SCARA5: variants seen among roughly 807,000 people sequenced by gnomAD.
The protein encoded by SCARA5 is scavenger receptor class A member 5.
Under a neutral mutation model 46.3 loss-of-function variants are expected in SCARA5, and 45 were observed. The ratio of observed to expected loss-of-function variants is 0.97; its 90% confidence interval spans 0.76 to 1.24. The LOEUF is 1.24. Among genes scored for constraint, SCARA5 ranks in the 50% most tolerant of loss-of-function variants. The pLI is 0.00. For missense variants in SCARA5, 680 were observed against 689.0 expected (o/e 0.99, Z 0.15); for synonymous variants, 333 against 306.5 (o/e 1.09, Z -0.90).
chr8:27,968,476 A>G (rs1240224632), intron 2 of SCARA5, among the ~76,000 whole-genome samples: 1 of 152,214 alleles, frequency 6.6e-6, no homozygotes, highest in Non-Finnish European at 1.5e-5. Flanking sequence ...ACTAGGCTCT[A>G]CAAAGGGTTT....
In SCARA5 at chr8:27,987,603, C is replaced by T. The variant is rs980492789; in HGVS notation, c.13G>A (p.Ala5Thr). 5.0e-6 allele frequency: 8 copies of T among 1,613,020 alleles called. No homozygotes were observed. The highest frequency in any genetic ancestry group is 1.3e-5 in the African/African-American group (1 of 75,020). The change falls in exon 2 of 9, where the codon GCT becomes ACT. Residue 5 changes from alanine (A) to threonine (T), a missense_variant. Ala to Thr is a moderately conservative substitution (Grantham distance 58). Coordinates refer to ENST00000354914, the MANE Select transcript of SCARA5 (RefSeq NM_173833.6). MENK[A>T]MYLHTVSDCD... Reference sequence around the variant, plus strand: ...TCGCTGACGGTGTGTAGGTACATAGCTTTGTTCTCCATCACACCCTGCAAC... The same window carrying T: ...TCGCTGACGGTGTGTAGGTACATAGTTTTGTTCTCCATCACACCCTGCAAC...
intron 3 of SCARA5, among the ~76,000 whole-genome samples, chr8:27,958,077 T>C (rs1808233022): frequency 6.6e-6 from 1 of 152,186 alleles, no homozygotes; most frequent in Non-Finnish European, 1.5e-5. Flanking sequence ...TGCAGTGGGA[T>C]GGAGCTGAGA....
chr8:27,912,156 C>T (rs1342280371), intron 4 of SCARA5, among the ~76,000 whole-genome samples: 1 of 152,156 alleles, frequency 6.6e-6, no homozygotes, highest in African/African-American at 2.4e-5. Flanking sequence ...TTTGTTATGG[C>T]AGCCCCAGGA....
At chr8:27,978,151 C>T (rs1175414834) in intron 2 of SCARA5, among the ~76,000 whole-genome samples, 3 of 150,850 alleles carry the variant, frequency 2.0e-5, no homozygotes, top group South Asian at 2.1e-4. Flanking sequence ...CTCAGCCTCC[C>T]GAGTAGCTGG....
chr8:27,911,741 G>T (rs78844793), intron 4 of SCARA5, among the ~76,000 whole-genome samples: 1 of 152,236 alleles, frequency 6.6e-6, no homozygotes, highest in East Asian at 1.9e-4. Context: ...ATGAAAAGTG[G>T]CCTTTATAGT....
At chr8:27,915,780 A>T (rs1360080790) in intron 4 of SCARA5, among the ~76,000 whole-genome samples, 2 of 151,806 alleles carry the variant, frequency 1.3e-5, no homozygotes, top group South Asian at 2.1e-4. Flanking sequence ...TGGCCTCAGG[A>T]TCCTCAACTA....
At chr8:27,884,140 C>T (rs1265160125) in intron 7 of SCARA5, among the ~76,000 whole-genome samples, 3 of 152,170 alleles carry the variant, frequency 2.0e-5, no homozygotes, top group East Asian at 1.9e-4. Flanking sequence ...GCGAGAGCAC[C>T]AGGGATGCCT....
intron 3 of SCARA5, among the ~76,000 whole-genome samples, chr8:27,960,883 T>TA (rs1275500581): frequency 1.3e-5 from 2 of 152,196 alleles, no homozygotes; most frequent in Non-Finnish European, 2.9e-5. Context: ...ATTTAAGTAT[T>TA]ATCTCAGCTA....
At chr8:27,931,093 C>T (rs1807765341) in intron 3 of SCARA5, among the ~76,000 whole-genome samples, 1 of 152,214 alleles carries the variant, frequency 6.6e-6, no homozygotes, top group African/African-American at 2.4e-5. Context: ...AAAAGCAGAA[C>T]ATAATATTCA....
chr8:27,873,063 A>T (rs776391118), intron 8 of SCARA5, among the ~76,000 whole-genome samples: 1 of 152,196 alleles, frequency 6.6e-6, no homozygotes, highest in Non-Finnish European at 1.5e-5. Context: ...AGCTCTAGGT[A>T]CCAATCATTG....
chr8:27,983,795 T>C (rs1358121696), intron 2 of SCARA5, among the ~76,000 whole-genome samples: 6 of 152,140 alleles, frequency 3.9e-5, no homozygotes, highest in Non-Finnish European at 8.8e-5. Flanking sequence ...GACCCGGGAC[T>C]CAGCAGGTCC....
intron 1 of SCARA5, 90 bp from the exon 2 acceptor site, chr8:27,987,720 A>G: frequency 1.3e-6 from 1 of 776,726 alleles, no homozygotes; most frequent in Non-Finnish European, 2.2e-6. Context: ...AAGCAAATGG[A>G]TAGAACAAGG....
At chr8:27,881,263 A>G (rs111500026) in intron 7 of SCARA5, among the ~76,000 whole-genome samples, 12,739 of 152,298 alleles carry the variant, frequency 0.084, 579 homozygotes, top group East Asian at 0.14. Flanking sequence ...TTGCAGAACT[A>G]TTCACAATAG....
chr8:27,871,545 C>T lies in SCARA5; in HGVS notation c.*389G>A. The T allele has an allele frequency of 9.4e-7, 1 of 1,065,996 alleles. No individual in the cohort carries two copies. The highest frequency in any genetic ancestry group is 1.1e-6 in the Non-Finnish European group (1 of 878,764). 66.0% of individuals were successfully genotyped at this position (1,065,996 alleles called of 1,614,324 possible). ...TTGTCTGAAGAGTAAATGATCTATA[C>T]TACCAACCATCGCTGCTGCTGCACT... On this transcript the variant is annotated 3_prime_UTR_variant, in exon 9 of 9. Coordinates refer to ENST00000354914, the MANE Select transcript of SCARA5 (RefSeq NM_173833.6).
chr8:27,906,581 A>G (rs1301598500), intron 6 of SCARA5, among the ~76,000 whole-genome samples: 1 of 152,232 alleles, frequency 6.6e-6, no homozygotes, highest in African/African-American at 2.4e-5. Context: ...TCTGGGCTGC[A>G]ACCTACCATA....
chr8:27,901,920 C>T lies in SCARA5; in HGVS notation c.1153+2858G>A, dbSNP rs796406829. On this transcript the variant is annotated intron_variant, in intron 7 of 8. Transcript: ENST00000354914. Reference sequence around the variant, plus strand: ...CCCTGGCCTAAGGACGTGAGGAAGTCCGTCCTCCCCTATGGGCCTCTGAAA... The same window carrying T: ...CCCTGGCCTAAGGACGTGAGGAAGTTCGTCCTCCCCTATGGGCCTCTGAAA... Among the ~76,000 whole-genome samples the T allele has an allele frequency of 4.1e-4, 62 of 152,298 alleles. 1 individual carries two copies. Among genetic ancestry groups the T allele is most frequent in the African/African-American group, 1.4e-3 (60 of 41,572 alleles).
intron 4 of SCARA5, among the ~76,000 whole-genome samples, chr8:27,920,720 G>A (rs1807569338): frequency 6.6e-6 from 1 of 152,166 alleles, no homozygotes; most frequent in African/African-American, 2.4e-5. Context: ...GCTAAGGCAG[G>A]AGGATCACTT....
rs1806756419 is a variant in SCARA5, at chr8:27,878,265, T to C, written c.1351+1304A>G. On this transcript the variant is annotated intron_variant, in intron 8 of 8. Coordinates refer to ENST00000354914, the MANE Select transcript of SCARA5 (RefSeq NM_173833.6). ...GGGGCCCAGGCTGGGAGACCCATTA[T>C]GCAGCCTGCAGGCCCTTTAGTTACA... Among the ~76,000 whole-genome samples the C allele has an allele frequency of 2.0e-5, 3 of 152,226 alleles. No individual in the cohort carries two copies. In the South Asian group the frequency reaches 6.2e-4, roughly 32 times the overall value.
intron 3 of SCARA5, among the ~76,000 whole-genome samples, chr8:27,926,141 T>C (rs1039470265): frequency 3.3e-5 from 5 of 152,142 alleles, no homozygotes; most frequent in Non-Finnish European, 4.4e-5. Flanking sequence ...ATAAAGAACA[T>C]GCACATGTAT....
Sources: gnomAD v4.1 joint callset for allele counts (sites outside exome capture counted in the v4.1 genomes callset) on GRCh38, gnomAD v4.1.1 for gene constraint, MANE v1.5 for transcripts, NCBI Gene and HGNC (gene_info 2026-07-23, HGNC 2026-07-21) for gene names.